LMNA: variants seen among roughly 807,000 people sequenced by gnomAD.
LMNA encodes lamin A/C, also known as lamin.
A neutral mutation model predicts 70.4 loss-of-function variants in LMNA; 20 were observed. The ratio of observed to expected loss-of-function variants is 0.28; its 90% CI spans 0.20 to 0.41. LMNA has a LOEUF of 0.41. Among genes scored for constraint, LMNA ranks in the 10% least tolerant of loss-of-function variants. The pLI is 1.00. For synonymous variants in LMNA, 339 were observed against 372.8 expected, an observed-to-expected ratio of 0.91 and a Z score of 1.04; for missense variants, 652 against 917.2, an observed-to-expected ratio of 0.71 and a Z score of 3.73.
At chr1:156,086,393 A>ACTCTCTCT (rs55740793) in intron 2 of LMNA, among the ~76,000 whole-genome samples, 18,323 of 146,152 alleles carry the variant, frequency 0.13, 1,601 homozygotes, top group East Asian at 0.47. Context: ...GTGACCTCTG[A>ACTCTCTCT]CTCTCTCTCT....
At chr1:156,126,553 C>A in intron 1 of LMNA, 1 of 765,470 alleles carries the variant, frequency 1.3e-6, no homozygotes, top group East Asian at 2.6e-5. Flanking sequence ...CCTTTCTTCC[C>A]CAAACAGCCC....
intron 1 of LMNA, chr1:156,129,941 A>G: frequency 4.0e-6 from 3 of 744,602 alleles, no homozygotes; most frequent in Non-Finnish European, 7.5e-6. Flanking sequence ...GGCACGGATG[A>G]GGCAGGAGGG....
intron 3 of LMNA, among the ~76,000 whole-genome samples, chr1:156,108,319 C>A (rs894730448): frequency 2.0e-5 from 3 of 152,140 alleles, no homozygotes; most frequent in Non-Finnish European, 4.4e-5. Flanking sequence ...CAAGAACTCA[C>A]TATAAAGAGA....
intron 3 of LMNA, among the ~76,000 whole-genome samples, chr1:156,105,572 T>G (rs1649302915): frequency 6.6e-6 from 1 of 151,980 alleles, no homozygotes; most frequent in South Asian, 2.1e-4. Flanking sequence ...ACGGGGACCT[T>G]GAGGAGTGTG....
At chr1:156,127,311 A>G (rs1226859814) in intron 1 of LMNA, among the ~76,000 whole-genome samples, 1 of 152,118 alleles carries the variant, frequency 6.6e-6, no homozygotes, top group Non-Finnish European at 1.5e-5. Flanking sequence ...GGTCTGAGTC[A>G]TGAGCCCATG....
intron 3 of LMNA, among the ~76,000 whole-genome samples, chr1:156,100,149 G>A (rs1649092077): frequency 6.6e-6 from 1 of 152,116 alleles, no homozygotes. Flanking sequence ...GCTGGAAGCA[G>A]GTTCCTCTCC....
intron 3 of LMNA, among the ~76,000 whole-genome samples, chr1:156,106,340 C>T (rs1649343741): frequency 6.6e-6 from 1 of 152,226 alleles, no homozygotes. Context: ...TCCTCCAGCT[C>T]CAGTCCTGGA....
Position 156,136,633 on chromosome 1 carries a change from A to C in LMNA, c.1380+197A>C. ...CTGTGAGACCTTGAGCAGGTTATTTAACCTCTCAGAGCATCAGTTTCCTCA... is the reference window on the plus strand; with the variant it reads ...CTGTGAGACCTTGAGCAGGTTATTTCACCTCTCAGAGCATCAGTTTCCTCA... On this transcript the variant is annotated intron_variant, in intron 7 of 11. Transcript: ENST00000368300. The surrounding 1 kb of genome is among the most constrained non-coding windows in gnomAD (Gnocchi z 6.1). 1 of 687,430 alleles carries C rather than the reference A, an allele frequency of 1.5e-6. No homozygotes were observed. The highest frequency in any genetic ancestry group is 2.6e-6 in the Non-Finnish European group (1 of 388,372). 42.6% of individuals were successfully genotyped at this position (687,430 alleles called of 1,614,324 possible).
intron 3 of LMNA, among the ~76,000 whole-genome samples, chr1:156,102,876 C>T (rs911363083): frequency 6.6e-6 from 1 of 152,180 alleles, no homozygotes; most frequent in African/African-American, 2.4e-5. Flanking sequence ...TCCAAGGGTC[C>T]CATATGCTGT....
rs140555216 is a variant in LMNA, at chr1:156,094,846, G to A, written c.-207+4264G>A. 8.3e-3 allele frequency among the ~76,000 whole-genome samples: 1,262 copies of A among 151,782 alleles called. 11 individuals are homozygous for A. The highest frequency in any genetic ancestry group is 0.046 in the South Asian group (219 of 4,806). ...ATGATCTCGGCTCACTGCAACCTCC[G>A]CCTCCTGGGTTCAAGTGATTCTCCT... On this transcript the variant is annotated intron_variant, in intron 3 of 12. Transcript: ENST00000368301.
intron 1 of LMNA, among the ~76,000 whole-genome samples, chr1:156,124,091 G>A (rs920026289): frequency 6.6e-6 from 1 of 152,208 alleles, no homozygotes; most frequent in South Asian, 2.1e-4. Context: ...CAGGTGTCAC[G>A]CCCAAGGGAA....
upstream of LMNA, among the ~76,000 whole-genome samples, chr1:156,111,662 T>C (rs146903937): frequency 4.2e-3 from 646 of 152,308 alleles, 5 homozygotes; most frequent in African/African-American, 0.015. Context: ...GGAGCAAGCA[T>C]AGTATTGCTA....
At chr1:156,116,551 T>C (rs1416495051) in intron 1 of LMNA, among the ~76,000 whole-genome samples, 1 of 152,202 alleles carries the variant, frequency 6.6e-6, no homozygotes, top group African/African-American at 2.4e-5. Context: ...TCTTTTATCA[T>C]CTACTCCAAA....
chr1:156,086,328 C>T (rs955414329), intron 2 of LMNA, among the ~76,000 whole-genome samples: 1 of 151,882 alleles, frequency 6.6e-6, no homozygotes, highest in African/African-American at 2.4e-5. Context: ...TAAGGTCATT[C>T]TAAACAAACA....
intron 3 of LMNA, among the ~76,000 whole-genome samples, chr1:156,099,843 G>A (rs1176538013): frequency 6.8e-6 from 1 of 146,430 alleles, no homozygotes; most frequent in Non-Finnish European, 1.5e-5. Context: ...CCGAGATGGT[G>A]CCACTGCACT....
At chr1:156,130,475 A>T (rs759970412) in intron 1 of LMNA, 142 bp from the exon 2 acceptor site, 1 of 941,678 alleles carries the variant, frequency 1.1e-6, no homozygotes, top group Non-Finnish European at 1.7e-6. Flanking sequence ...AGCAGATGCA[A>T]ACCAACCTAA....
At chr1:156,085,042 G>A (rs1441823646) in intron 2 of LMNA, among the ~76,000 whole-genome samples, 1 of 152,248 alleles carries the variant, frequency 6.6e-6, no homozygotes, top group Non-Finnish European at 1.5e-5. Context: ...CCACCAACAA[G>A]AATGAATCAG....
chr1:156,133,422 T>C (rs888968802), intron 2 of LMNA, among the ~76,000 whole-genome samples: 1 of 151,506 alleles, frequency 6.6e-6, no homozygotes. Flanking sequence ...GATACAAAAA[T>C]TAGCTGGGTG....
In LMNA at chr1:156,103,058, C is replaced by T. The variant is rs1649196493; in HGVS notation, c.-206-11655C>T. 6.6e-6 allele frequency among the ~76,000 whole-genome samples: 1 copy of T among 152,206 alleles called. No homozygotes were observed. Among genetic ancestry groups the T allele is most frequent in the Admixed American group, 6.5e-5 (1 of 15,292 alleles). On this transcript the variant is annotated intron_variant, in intron 3 of 12. Transcript: ENST00000368301. The surrounding 1 kb of genome is among the most constrained non-coding windows in gnomAD (Gnocchi z 4.7). ...CCCCTGGTTTCATTTCACAGCCAAG[C>T]CCTCATCTATCCTTGCCTCAAGGTG...
Sources: allele counts gnomAD v4.1 joint callset (sites outside exome capture counted in the v4.1 genomes callset), GRCh38; gene constraint gnomAD v4.1.1; non-coding constraint Gnocchi (gnomAD v3.1); transcripts MANE v1.5; gene names NCBI Gene and HGNC (gene_info 2026-07-23, HGNC 2026-07-21).